Variants in FRMD4B observed in about 807,000 individuals in gnomAD.
The protein encoded by FRMD4B is FERM domain containing 4B.
Under a neutral mutation model 141.5 loss-of-function variants are expected in FRMD4B, and 74 were observed. The ratio of observed to expected loss-of-function variants is 0.52; its 90% CI spans 0.43 to 0.63. The LOEUF (loss-of-function observed/expected upper bound fraction) is 0.63. Among genes scored for constraint, FRMD4B ranks in the 30% least tolerant of loss-of-function variants. The probability of loss-of-function intolerance (pLI) is 0.00; values close to 1 mark genes in which losing one functional copy is unlikely to be tolerated. For missense variants in FRMD4B, 1,366 were observed against 1,253.4 expected, an observed-to-expected ratio of 1.09 and a Z score of -1.36; for synonymous variants, 506 against 467.9, an observed-to-expected ratio of 1.08 and a Z score of -1.05.
intron 1 of FRMD4B, among the ~76,000 whole-genome samples, chr3:69,369,286 A>C (rs1703759772): frequency 6.6e-6 from 1 of 152,328 alleles, no homozygotes; most frequent in East Asian, 1.9e-4. Flanking sequence ...TTAAGTATGC[A>C]CACATATTTA....
chr3:69,346,697 A>T (rs952374657), intron 1 of FRMD4B, among the ~76,000 whole-genome samples: 1 of 152,218 alleles, frequency 6.6e-6, no homozygotes, highest in South Asian at 2.1e-4. Context: ...AAAGAAAAGA[A>T]TTTCCAACCC....
chr3:69,197,102 C>A, intron 12 of FRMD4B, 64 bp from the exon 13 acceptor site: 1 of 1,364,104 alleles, frequency 7.3e-7, no homozygotes, highest in South Asian at 1.3e-5. Context: ...AAAATGTACC[C>A]TGCGAGCAGC....
chr3:69,286,655 G>T (rs1398562632), intron 5 of FRMD4B, among the ~76,000 whole-genome samples: 4 of 152,200 alleles, frequency 2.6e-5, no homozygotes, highest in Non-Finnish European at 4.4e-5. Context: ...GTACAAGGGA[G>T]GAGCCAGGCT....
intron 1 of FRMD4B, among the ~76,000 whole-genome samples, chr3:69,333,702 C>T (rs1702452421): frequency 6.6e-6 from 1 of 152,048 alleles, no homozygotes; most frequent in Non-Finnish European, 1.5e-5. Context: ...TAATAAAATA[C>T]CCAATTTCCA....
intron 11 of FRMD4B, among the ~76,000 whole-genome samples, chr3:69,202,119 C>T (rs1210030204): frequency 6.6e-6 from 1 of 152,084 alleles, no homozygotes; most frequent in Non-Finnish European, 1.5e-5. Context: ...AGGAGCATCA[C>T]TTGAACCAGG....
At chr3:69,502,510 A>T (rs1706515237) in intron 1 of FRMD4B, among the ~76,000 whole-genome samples, 1 of 152,204 alleles carries the variant, frequency 6.6e-6, no homozygotes, top group East Asian at 1.9e-4. Context: ...TCCCTTTCTT[A>T]CACCTTATAC....
intron 1 of FRMD4B, among the ~76,000 whole-genome samples, chr3:69,343,418 T>C (rs1347621715): frequency 6.6e-6 from 1 of 152,084 alleles, no homozygotes; most frequent in Non-Finnish European, 1.5e-5. Context: ...AAACAGAACC[T>C]TTAACCACGG....
At chr3:69,403,615 C>G (rs10510973) in intron 2 of FRMD4B, among the ~76,000 whole-genome samples, 9,472 of 152,108 alleles carry the variant, frequency 0.062, 912 homozygotes, top group African/African-American at 0.2. Context: ...GAAAACTTCA[C>G]AGAGAGGAGA....
chr3:69,519,285 GCA>G, intron 1 of FRMD4B, among the ~76,000 whole-genome samples: 1 of 152,198 alleles, frequency 6.6e-6, no homozygotes, highest in Non-Finnish European at 1.5e-5. Flanking sequence ...GTGAATGTGT[GCA>G]TGGCTGGGGA....
rs921576341 is a variant in FRMD4B at position 69,171,770 on chromosome 3, C to T, written c.*91G>A. The T allele has an allele frequency of 1.3e-4, 180 of 1,349,064 alleles. 4 individuals carry two copies. In the South Asian group the frequency reaches 2.2e-3, roughly 17 times the overall value. 83.6% of individuals were successfully genotyped at this position (1,349,064 alleles called of 1,614,324 possible). On this transcript the variant is annotated 3_prime_UTR_variant, in exon 23 of 23. Coordinates refer to ENST00000398540, the MANE Select transcript of FRMD4B (RefSeq NM_015123.3). ...TTCAACCTTTGATGTCTTTAGGTTT[C>T]TAAAACGAACATCCTCTCGGAAGAC...
intron 5 of FRMD4B, among the ~76,000 whole-genome samples, chr3:69,286,889 C>T (rs1191371788): frequency 2.0e-5 from 3 of 152,260 alleles, no homozygotes; most frequent in Non-Finnish European, 4.4e-5. Context: ...ACTGCAACCT[C>T]TGCCTCCAGG....
intron 5 of FRMD4B, among the ~76,000 whole-genome samples, chr3:69,256,887 G>A (rs1191707512): frequency 6.6e-6 from 1 of 152,136 alleles, no homozygotes; most frequent in East Asian, 1.9e-4. Context: ...TATGGGGGAT[G>A]GTCTCAGTGA....
chr3:69,275,442 C>CTTT (rs11405908), intron 5 of FRMD4B, among the ~76,000 whole-genome samples: 18 of 141,794 alleles, frequency 1.3e-4, no homozygotes, highest in African/African-American at 3.9e-4. Context: ...CTCTCTCTCT[C>CTTT]TTTTTTTTTT....
intron 1 of FRMD4B, among the ~76,000 whole-genome samples, chr3:69,364,448 G>A (rs911132371): frequency 6.6e-6 from 1 of 152,206 alleles, no homozygotes; most frequent in African/African-American, 2.4e-5. Flanking sequence ...TGGTGAGTGA[G>A]CAGCTAAAAA....
intron 7 of FRMD4B, among the ~76,000 whole-genome samples, chr3:69,226,739 A>G (rs1463788638): frequency 6.6e-6 from 1 of 152,236 alleles, no homozygotes; most frequent in Non-Finnish European, 1.5e-5. Context: ...AAAAATATGT[A>G]GAACGAGTGT....
In FRMD4B at chr3:69,190,976, G is replaced by GA. The variant is rs1363885992; in HGVS notation, c.1715-1025dup. 2.6e-5 allele frequency among the ~76,000 whole-genome samples: 4 copies of GA among 152,350 alleles called. No individual in the cohort carries two copies. In the South Asian group the frequency reaches 8.3e-4, roughly 32 times the overall value. ...CACGTAGTGCTGGGGTGAGGCGTTAGAATAACGGATGTAAAGCCCCTAGCC... is the reference window on the plus strand; with the variant it reads ...CACGTAGTGCTGGGGTGAGGCGTTAGAAATAACGGATGTAAAGCCCCTAGCC... On this transcript the variant is annotated intron_variant, in intron 17 of 22. Transcript: ENST00000398540.
At chr3:69,229,234 C>G (rs982822354) in intron 7 of FRMD4B, among the ~76,000 whole-genome samples, 20 of 151,970 alleles carry the variant, frequency 1.3e-4, no homozygotes, top group Non-Finnish European at 1.8e-4. Flanking sequence ...CTATGTTGAC[C>G]TGGCTGATCT....
intron 1 of FRMD4B, among the ~76,000 whole-genome samples, chr3:69,469,205 A>G (rs1481271002): frequency 6.6e-6 from 1 of 152,174 alleles, no homozygotes; most frequent in African/African-American, 2.4e-5. Context: ...CTATTACTAC[A>G]AGGAAAAGGT....
At chr3:69,180,313 A>C (rs4855359) in intron 21 of FRMD4B, among the ~76,000 whole-genome samples, 140,636 of 150,768 alleles carry the variant, frequency 0.93, 66,337 homozygotes, top group Non-Finnish European at 1. Flanking sequence ...CAGCTCCTAT[A>C]AGGATTCTTA....
Sources: gnomAD v4.1 joint callset for allele counts (sites outside exome capture counted in the v4.1 genomes callset) on GRCh38, gnomAD v4.1.1 for gene constraint, MANE v1.5 for transcripts, NCBI Gene and HGNC (gene_info 2026-07-23, HGNC 2026-07-21) for gene names.